UBTD2: variants seen among roughly 807,000 people sequenced by gnomAD.
UBTD2 encodes the protein ubiquitin domain-containing protein 2.
A neutral mutation model predicts 19.8 loss-of-function variants in UBTD2; 9 were observed. The observed-to-expected ratio is 0.46, with a 90% CI of 0.27 to 0.79. The LOEUF (loss-of-function observed/expected upper bound fraction) is 0.79, where lower values mean the gene tolerates loss of function less well. UBTD2 is among the 30% of genes least tolerant of loss of function. The probability of loss-of-function intolerance (pLI) is 0.14; values close to 1 mark genes in which losing one functional copy is unlikely to be tolerated. For missense variants in UBTD2, 250 were observed against 300.4 expected, an observed-to-expected ratio of 0.83 and a Z score of 1.24; for synonymous variants, 98 against 103.9, an observed-to-expected ratio of 0.94 and a Z score of 0.35.
At chr5:172,213,748 C>T (rs901254889) in intron 2 of UBTD2, among the ~76,000 whole-genome samples, 1 of 152,136 alleles carries the variant, frequency 6.6e-6, no homozygotes, top group Non-Finnish European at 1.5e-5. Flanking sequence ...TTACAGTTAC[C>T]AGGACTTCCT....
In UBTD2 at chr5:172,283,577, C is replaced by G. The variant is rs1361510239; in HGVS notation, c.70+19G>C. 2 of 1,295,456 alleles carry G rather than the reference C, an allele frequency of 1.5e-6. No homozygotes were observed. Among genetic ancestry groups the G allele is most frequent in the Non-Finnish European group, 2.0e-6 (2 of 1,014,892 alleles). 80.2% of individuals were successfully genotyped at this position (1,295,456 alleles called of 1,614,324 possible). ...CGGGAACAATGGGGGGCCGAGGCTG[C>G]CCCCTGGCGCTCACCTACCTCCGGT... On this transcript the variant is annotated intron_variant, in intron 1 of 2. Coordinates refer to ENST00000393792, the MANE Select transcript of UBTD2 (RefSeq NM_152277.3). The surrounding 1 kb of genome is among the most constrained non-coding windows in gnomAD (Gnocchi z 4.3).
Position 172,275,915 on chromosome 5 carries a change from C to A in UBTD2, c.70+7681G>T, listed in dbSNP as rs546358718. Among the ~76,000 whole-genome samples, 20 of 152,302 alleles carry A rather than the reference C, an allele frequency of 1.3e-4. No individual in the cohort carries two copies. In the South Asian group the frequency reaches 3.9e-3, roughly 30 times the overall value. On this transcript the variant is annotated intron_variant, in intron 1 of 2. Coordinates refer to ENST00000393792, the MANE Select transcript of UBTD2 (RefSeq NM_152277.3). The stretch of plus-strand genomic sequence containing the variant: ...TCATAAACATGGTATTATTTTACTT[C>A]TCCTTTTCTCTTCTGTACCCCTACA...
At chr5:172,245,889 T>A (rs1352848258) in intron 1 of UBTD2, among the ~76,000 whole-genome samples, 1 of 152,204 alleles carries the variant, frequency 6.6e-6, no homozygotes, top group Non-Finnish European at 1.5e-5. Flanking sequence ...CAGGATTGAT[T>A]GCCTGCTGAA....
chr5:172,215,500 C>T (rs978223712), intron 2 of UBTD2, among the ~76,000 whole-genome samples: 1 of 152,114 alleles, frequency 6.6e-6, no homozygotes, highest in African/African-American at 2.4e-5. Flanking sequence ...TCCATATTAC[C>T]GAAGGCCCAT....
intron 2 of UBTD2, among the ~76,000 whole-genome samples, chr5:172,230,459 C>T (rs1312824897): frequency 6.6e-6 from 1 of 152,076 alleles, no homozygotes; most frequent in African/African-American, 2.4e-5. Flanking sequence ...TTATTAAGTG[C>T]TTTTTGGATA....
Position 172,266,272 on chromosome 5 carries a change from C to T in UBTD2, c.70+17324G>A, listed in dbSNP as rs1019821854. Among the ~76,000 whole-genome samples the T allele has an allele frequency of 3.9e-5, 6 of 152,126 alleles. No individual in the cohort carries two copies. The East Asian group carries it at 9.6e-4, about 24-fold the overall frequency. On this transcript the variant is annotated intron_variant, in intron 1 of 2. Coordinates refer to ENST00000393792, the MANE Select transcript of UBTD2 (RefSeq NM_152277.3). Reference sequence around the variant, plus strand: ...TAGATTCCAAGCAAAGGAAACAGCACGAAAGCCCTAAGATGGGAAGAAGCT... The same window carrying T: ...TAGATTCCAAGCAAAGGAAACAGCATGAAAGCCCTAAGATGGGAAGAAGCT...
intron 1 of UBTD2, among the ~76,000 whole-genome samples, chr5:172,250,332 A>G (rs548832587): frequency 1.9e-4 from 29 of 152,370 alleles, no homozygotes; most frequent in African/African-American, 6.5e-4. Flanking sequence ...TACAGTGAAG[A>G]AAGTTGGCAG....
intron 2 of UBTD2, among the ~76,000 whole-genome samples, chr5:172,230,858 A>G (rs1188288243): frequency 6.7e-6 from 1 of 148,702 alleles, no homozygotes; most frequent in Non-Finnish European, 1.5e-5. Context: ...ATCTTGGCTC[A>G]CTGCAAGCTC....
chr5:172,235,088 A>T (rs532229518), intron 1 of UBTD2, among the ~76,000 whole-genome samples: 226 of 151,696 alleles, frequency 1.5e-3, no homozygotes, highest in African/African-American at 4.7e-3. Flanking sequence ...CTCTAAAAAA[A>T]TTTTTTTTTA....
chr5:172,279,709 C>A (rs758572968), intron 1 of UBTD2, among the ~76,000 whole-genome samples: 15 of 152,088 alleles, frequency 9.9e-5, no homozygotes, highest in Non-Finnish European at 1.8e-4. Context: ...GATTTTCTGC[C>A]CACATATTTA....
At chr5:172,267,257 T>C (rs576562721) in intron 1 of UBTD2, among the ~76,000 whole-genome samples, 2 of 152,366 alleles carry the variant, frequency 1.3e-5, no homozygotes, top group South Asian at 4.1e-4. Flanking sequence ...TCATGAGACA[T>C]GTTAGCTTAC....
chr5:172,230,785 ATT>A (rs11332821), intron 2 of UBTD2, among the ~76,000 whole-genome samples: 66 of 143,222 alleles, frequency 4.6e-4, no homozygotes, highest in Admixed American at 1.5e-3. Flanking sequence ...TTTTTTCCTT[ATT>A]TTTTTTTTTT....
intron 2 of UBTD2, among the ~76,000 whole-genome samples, chr5:172,227,442 A>G (rs1266682338): frequency 2.6e-5 from 4 of 152,116 alleles, no homozygotes; most frequent in Admixed American, 2.0e-4. Context: ...AAACCCTACA[A>G]CAGTCCAGCA....
chr5:172,283,508 C>A lies in UBTD2; in HGVS notation c.70+88G>T, dbSNP rs1258519972. 11 of 1,056,570 alleles carry A rather than the reference C, an allele frequency of 1.0e-5. No homozygotes were observed. Among genetic ancestry groups the A allele is most frequent in the East Asian group, 3.4e-5 (1 of 29,404 alleles). The allele number at this position is 1,056,570 out of a possible 1,614,324, so 65.4% of individuals were successfully genotyped here. A position where few individuals can be genotyped will look rare whatever the true frequency, so the allele number is the denominator to read the frequency against. ...AGGGGATGACAAAGGGGCGCGGGGG[C>A]CCGGCGCGGCCCGCGGGGGTCGGGA... On this transcript the variant is annotated intron_variant, in intron 1 of 2. Transcript: ENST00000393792. The surrounding 1 kb of genome is among the most constrained non-coding windows in gnomAD (Gnocchi z 4.3).
chr5:172,253,985 A>C (rs1298601471), intron 1 of UBTD2, among the ~76,000 whole-genome samples: 1 of 152,298 alleles, frequency 6.6e-6, no homozygotes, highest in East Asian at 1.9e-4. Flanking sequence ...GACAACATCT[A>C]CTGACCATAT....
At chr5:172,244,842 C>T (rs948671797) in intron 1 of UBTD2, among the ~76,000 whole-genome samples, 1 of 151,974 alleles carries the variant, frequency 6.6e-6, no homozygotes, top group Non-Finnish European at 1.5e-5. Flanking sequence ...GATTCTCATG[C>T]CTCAGCCTCC....
At chr5:172,212,451 T>C (rs1771470374) in intron 2 of UBTD2, among the ~76,000 whole-genome samples, 1 of 152,220 alleles carries the variant, frequency 6.6e-6, no homozygotes, top group Non-Finnish European at 1.5e-5. Context: ...TCTTCTAAGT[T>C]ATTTCATATC....
chr5:172,232,316 T>TTA (rs1771917279), intron 2 of UBTD2, among the ~76,000 whole-genome samples: 1 of 132,036 alleles, frequency 7.6e-6, no homozygotes, highest in African/African-American at 2.7e-5. Context: ...CTCACTGTCA[T>TTA]AAAAAAAAAA....
At chr5:172,245,417 T>C (rs1754858440) in intron 1 of UBTD2, among the ~76,000 whole-genome samples, 1 of 152,168 alleles carries the variant, frequency 6.6e-6, no homozygotes, top group Non-Finnish European at 1.5e-5. Flanking sequence ...TGTGCATGCA[T>C]GGAACAGTCC....
Sources: allele counts gnomAD v4.1 joint callset (sites outside exome capture counted in the v4.1 genomes callset), GRCh38; gene constraint gnomAD v4.1.1; non-coding constraint Gnocchi (gnomAD v3.1); transcripts MANE v1.5; gene names NCBI Gene and HGNC (gene_info 2026-07-23, HGNC 2026-07-21).